Variants in COL13A1 observed in about 807,000 individuals in gnomAD.
COL13A1 encodes the protein collagen alpha-1(XIII) chain.
Under a neutral mutation model 130.9 loss-of-function variants are expected in COL13A1, and 89 were observed. That is an observed-to-expected ratio of 0.68 (90% confidence interval 0.57 to 0.81). COL13A1 has a LOEUF of 0.81. Among genes scored for constraint, COL13A1 ranks in the 30% least tolerant of loss-of-function variants. COL13A1 has a pLI of 0.00. For synonymous variants in COL13A1, 402 were observed against 341.6 expected, an observed-to-expected ratio of 1.18 and a Z score of -1.95; for missense variants, 879 against 934.6, an observed-to-expected ratio of 0.94 and a Z score of 0.78.
chr10:69,859,461 C>T (rs1857363637), intron 2 of COL13A1, among the ~76,000 whole-genome samples: 1 of 152,216 alleles, frequency 6.6e-6, no homozygotes, highest in South Asian at 2.1e-4. Flanking sequence ...TTCTCTGCTC[C>T]TCCGGCAGTC....
intron 2 of COL13A1, among the ~76,000 whole-genome samples, chr10:69,846,022 CAG>C (rs1852941516): frequency 6.6e-6 from 1 of 152,282 alleles, no homozygotes; most frequent in African/African-American, 2.4e-5. Context: ...GGCGCAAGGC[CAG>C]TGCCCAGGCA....
chr10:69,950,176 T>C (rs2069280741), intron 38 of COL13A1, among the ~76,000 whole-genome samples: 1 of 152,118 alleles, frequency 6.6e-6, no homozygotes, highest in Non-Finnish European at 1.5e-5. Context: ...GTTTATCTCC[T>C]CCAAAGTCCA....
At chr10:69,878,356 G>A (rs1300996274) in intron 6 of COL13A1, among the ~76,000 whole-genome samples, 2 of 152,172 alleles carry the variant, frequency 1.3e-5, no homozygotes, top group Non-Finnish European at 2.9e-5. Flanking sequence ...TCGCTATTTT[G>A]TGTAGCTGGA....
In COL13A1 at chr10:69,822,412, C is replaced by T. The variant is rs563994096; in HGVS notation, c.338C>T (p.Thr113Ile). The change falls in exon 2 of 41, where the codon ACA (threonine) becomes ATA (isoleucine). Residue 113 changes from threonine (T) to isoleucine (I), a missense_variant. Transcript: ENST00000645393. ...AGGAGGCGCCGGGAGGCCCCAAAGA[C>T]ATCTCCAGGATGTAACTGCCCACCA... ...HSRRRREAPKTSPGCNCPPGP... is the reference protein window; with the variant it reads ...HSRRRREAPKISPGCNCPPGP... 4 of 1,595,060 alleles carry T rather than the reference C, an allele frequency of 2.5e-6. No homozygotes were observed. The South Asian group carries it at 4.6e-5, about 18-fold the overall frequency.
intron 6 of COL13A1, among the ~76,000 whole-genome samples, chr10:69,879,675 G>A (rs1274193880): frequency 6.6e-6 from 1 of 152,232 alleles, no homozygotes; most frequent in African/African-American, 2.4e-5. Context: ...GGAGGTATGT[G>A]GGCTCAGAGA....
chr10:69,808,578 C>T (rs1007149123), intron 1 of COL13A1, among the ~76,000 whole-genome samples: 5 of 152,148 alleles, frequency 3.3e-5, no homozygotes, highest in East Asian at 1.9e-4. Context: ...CCCAGGCTGC[C>T]GCTCCCGTCC....
At chr10:69,938,136 A>T (rs1225726501) in intron 34 of COL13A1, among the ~76,000 whole-genome samples, 1 of 152,196 alleles carries the variant, frequency 6.6e-6, no homozygotes, top group Non-Finnish European at 1.5e-5. Flanking sequence ...CCCCCCTCTT[A>T]AGCACTGGTC....
At chr10:69,847,240 T>A (rs1333211079) in intron 2 of COL13A1, among the ~76,000 whole-genome samples, 1 of 152,150 alleles carries the variant, frequency 6.6e-6, no homozygotes, top group Non-Finnish European at 1.5e-5. Context: ...AGAAGTGAAA[T>A]GATGTGTCTG....
At chr10:69,926,414 A>G (rs975568777) in intron 26 of COL13A1, among the ~76,000 whole-genome samples, 21 of 152,150 alleles carry the variant, frequency 1.4e-4, no homozygotes. Context: ...TAGGATGTGC[A>G]GCAGCGTCCC....
intron 1 of COL13A1, among the ~76,000 whole-genome samples, chr10:69,805,340 G>A (rs959064403): frequency 7.8e-4 from 119 of 152,184 alleles, no homozygotes; most frequent in African/African-American, 2.8e-3. Flanking sequence ...AGGGGTGACT[G>A]GAAATGGTGG....
chr10:69,877,886 GT>G (rs2059761166), intron 5 of COL13A1, among the ~76,000 whole-genome samples, 152 bp from the exon 6 acceptor site: 1 of 152,154 alleles, frequency 6.6e-6, no homozygotes, highest in Non-Finnish European at 1.5e-5. Context: ...CGACATCTGT[GT>G]TTTGCTTTGT....
Position 69,930,136 on chromosome 10 carries a change from T to C in COL13A1, c.1530+49T>C, listed in dbSNP as rs773935413. ...AAACCTCTGAAGACAGTCTTGGCCCTGGGGGCAGGAGGTCGGGCAGGAAGG... is the reference window on the plus strand; with the variant it reads ...AAACCTCTGAAGACAGTCTTGGCCCCGGGGGCAGGAGGTCGGGCAGGAAGG... On this transcript the variant is annotated intron_variant, in intron 29 of 40. Coordinates refer to ENST00000645393, the MANE Select transcript of COL13A1 (RefSeq NM_001368882.1). The C allele has an allele frequency of 1.0e-5, 16 of 1,586,742 alleles. No individual in the cohort carries two copies. The African/African-American group carries it at 2.2e-4, about 22-fold the overall frequency.
Position 69,860,399 on chromosome 10 carries a change from T to C in COL13A1, c.365-7399T>C, listed in dbSNP as rs529461996. 2.0e-5 allele frequency among the ~76,000 whole-genome samples: 3 copies of C among 152,212 alleles called. No homozygotes were observed. The South Asian group carries it at 6.2e-4, about 32-fold the overall frequency. ...AGCTCCAGTGTGCCAAGATACAATC[T>C]TCTTTACCCCCTCATACCGCACTGA... On this transcript the variant is annotated intron_variant, in intron 2 of 40. Transcript: ENST00000645393.
intron 2 of COL13A1, among the ~76,000 whole-genome samples, chr10:69,840,959 C>T (rs745850480): frequency 8.5e-5 from 13 of 152,096 alleles, no homozygotes; most frequent in Non-Finnish European, 1.6e-4. Context: ...TTTTCTGTCA[C>T]TCAGGAGGAC....
chr10:69,839,421 G>T (rs1437177268), intron 2 of COL13A1, among the ~76,000 whole-genome samples: 1 of 152,122 alleles, frequency 6.6e-6, no homozygotes, highest in Non-Finnish European at 1.5e-5. Context: ...CTTTACTGAG[G>T]TATAATTGAC....
chr10:69,935,360 T>C lies in COL13A1; in HGVS notation c.1739T>C (p.Leu580Pro). ...KGNPGAEVPG[L>P]PGPEGPPGPP... ...CCCTTTGGCTTTTAGGTTCCTGGGCTGCCAGGGCCAGAGGGGCCTCCCGGA... is the reference window on the plus strand; with the variant it reads ...CCCTTTGGCTTTTAGGTTCCTGGGCCGCCAGGGCCAGAGGGGCCTCCCGGA... Residue 580 changes from leucine (L) to proline (P), a missense_variant, in exon 32 of 41, where the codon CTG becomes CCG. Physicochemically the swap from Leu to Pro is moderately conservative, Grantham distance 98 (BLOSUM62 -3). Transcript: ENST00000645393. 2 of 1,579,922 alleles carry C rather than the reference T, an allele frequency of 1.3e-6. No individual in the cohort carries two copies. Among genetic ancestry groups the C allele is most frequent in the Admixed American group, 1.8e-5 (1 of 55,808 alleles).
At chr10:69,879,366 C>T (rs1045404249) in intron 6 of COL13A1, 1 of 152,216 alleles carries the variant, frequency 6.6e-6, no homozygotes, top group Non-Finnish European at 1.5e-5. Context: ...ATCTTCACAT[C>T]CACCCTATGA....
chr10:69,832,695 G>A (rs1564792243), intron 2 of COL13A1, among the ~76,000 whole-genome samples: 1 of 152,180 alleles, frequency 6.6e-6, no homozygotes, highest in Non-Finnish European at 1.5e-5. Context: ...GGAGACACTG[G>A]AACTTGCTGG....
At chr10:69,807,080 G>A (rs1331257443) in intron 1 of COL13A1, among the ~76,000 whole-genome samples, 1 of 152,212 alleles carries the variant, frequency 6.6e-6, no homozygotes, top group Admixed American at 6.5e-5. Context: ...GGTCTCAGCA[G>A]CCACCTTTAA....
Sources: gnomAD v4.1 joint callset for allele counts (sites outside exome capture counted in the v4.1 genomes callset) on GRCh38, gnomAD v4.1.1 for gene constraint, MANE v1.5 for transcripts, NCBI Gene and HGNC (gene_info 2026-07-23, HGNC 2026-07-21) for gene names.